Variants in GPR155 observed in about 807,000 individuals in gnomAD.
The protein encoded by GPR155 is lysosomal cholesterol signaling protein.
In GPR155, 65 loss-of-function variants were observed where a neutral mutation model predicts 93.1. That is an observed-to-expected ratio of 0.70 (90% CI 0.57 to 0.86). The LOEUF (loss-of-function observed/expected upper bound fraction) is 0.86, where lower values mean the gene tolerates loss of function less well. GPR155 is among the 40% of genes least tolerant of loss of function. The pLI is 0.00. For missense variants in GPR155, 838 were observed against 1,034.8 expected, an observed-to-expected ratio of 0.81 and a Z score of 2.61; for synonymous variants, 319 against 360.1, an observed-to-expected ratio of 0.89 and a Z score of 1.29.
At chr2:174,482,387 C>T (rs545934736) in intron 1 of GPR155, among the ~76,000 whole-genome samples, 3 of 152,140 alleles carry the variant, frequency 2.0e-5, no homozygotes, top group African/African-American at 4.8e-5. Context: ...ACATAGTCTC[C>T]GCTGAATGTC....
chr2:174,447,773 C>A (rs920065103), intron 11 of GPR155, among the ~76,000 whole-genome samples: 15 of 147,210 alleles, frequency 1.0e-4, no homozygotes, highest in Admixed American at 9.6e-4. Context: ...AAGATGGCAA[C>A]AATAGGAACT....
chr2:174,445,358 A>T, intron 12 of GPR155, 182 bp from the exon 13 acceptor site: 1 of 536,218 alleles, frequency 1.9e-6, no homozygotes, highest in South Asian at 2.3e-5. Flanking sequence ...TCTCCTCCTG[A>T]CAGATGTCAT....
chr2:174,444,698 G>T (rs1217325306), intron 13 of GPR155, among the ~76,000 whole-genome samples: 1 of 151,876 alleles, frequency 6.6e-6, no homozygotes, highest in South Asian at 2.1e-4. Context: ...GTTTCACCAT[G>T]TTGGCTAGGC....
chr2:174,438,617 T>C (rs1333998543), intron 15 of GPR155, among the ~76,000 whole-genome samples: 1 of 152,124 alleles, frequency 6.6e-6, no homozygotes, highest in Non-Finnish European at 1.5e-5. Flanking sequence ...AAGCGATTCT[T>C]GTGCTGCAGC....
rs373215613 is a variant in GPR155, at chr2:174,442,136, G to A, written c.2157C>T (p.Ile719=). 30 of 1,364,844 alleles carry A rather than the reference G, an allele frequency of 2.2e-5. No individual in the cohort carries two copies. The highest frequency in any genetic ancestry group is 2.9e-5 in the Non-Finnish European group (28 of 954,478). The allele number at this position is 1,364,844 out of a possible 1,614,324, so 84.5% of individuals were successfully genotyped here. The change falls in exon 14 of 16, where the codon ATC becomes ATT. Residue 719 remains isoleucine, a synonymous_variant. Transcript: ENST00000392552. ...GIFGLDKHLI[I]LPFKRRLEFL... is the part of the protein sequence containing the mutation. ...TAATTTACCTTCTTTTGAAAGGCAGGATGATTAAATGTTTATCTAATCCAA... is the reference window on the plus strand; with the variant it reads ...TAATTTACCTTCTTTTGAAAGGCAGAATGATTAAATGTTTATCTAATCCAA...
chr2:174,469,064 T>A lies in GPR155; in HGVS notation c.1030A>T (p.Thr344Ser). ...AATGTGCTTATCACCATCCCTGAGG[T>A]TATCTGCAAAAATGAAATCAAACAG... is the stretch of plus-strand genomic sequence containing the variant. ...TQFNMEVEIITSGMVISTFVS... is the reference protein window; with the variant it reads ...TQFNMEVEIISSGMVISTFVS... Residue 344 changes from threonine (T) to serine (S), a missense_variant, in exon 5 of 16, where the codon ACC becomes TCC. Thr to Ser is a moderately conservative substitution (Grantham distance 58). Coordinates refer to ENST00000392552, the MANE Select transcript of GPR155 (RefSeq NM_152529.7). 6.2e-7 allele frequency: 1 copy of A among 1,612,166 alleles called. No individual in the cohort carries two copies. The highest frequency in any genetic ancestry group is 8.5e-7 in the Non-Finnish European group (1 of 1,178,910).
chr2:174,474,539 A>G (rs921596648), intron 2 of GPR155, among the ~76,000 whole-genome samples: 2 of 150,086 alleles, frequency 1.3e-5, no homozygotes, highest in African/African-American at 4.9e-5. Flanking sequence ...CATGTTTCCA[A>G]GTGCAAACAA....
intron 5 of GPR155, among the ~76,000 whole-genome samples, chr2:174,467,805 G>T (rs139107231): frequency 1.8e-4 from 28 of 151,590 alleles, no homozygotes; most frequent in African/African-American, 6.1e-4. Flanking sequence ...GTGCGATCTC[G>T]GCTCACTGAA....
chr2:174,467,029 C>A (rs914329861), intron 5 of GPR155, among the ~76,000 whole-genome samples: 1 of 151,760 alleles, frequency 6.6e-6, no homozygotes, highest in African/African-American at 2.4e-5. Flanking sequence ...CAGTGGCGGG[C>A]GCCTGTAATC....
chr2:174,453,763 TC>T lies in GPR155; in HGVS notation c.1849del (p.Glu617SerfsTer3), dbSNP rs765196666. 3.1e-6 allele frequency: 5 copies of T among 1,608,134 alleles called. No homozygotes were observed. The highest frequency in any genetic ancestry group is 4.3e-6 in the Non-Finnish European group (5 of 1,175,448). ...TTTCTCAAACGAAGGAATCACAGGC[TC>T]ACTGGTGCTTGTGTTTGCTATTGGC... ...IEPIANTSTS[E>X]PVIPSFEKNN... is the part of the protein sequence containing the mutation. On this transcript the variant is annotated frameshift_variant, in exon 11 of 16. Coordinates refer to ENST00000392552, the MANE Select transcript of GPR155 (RefSeq NM_152529.7). LOFTEE classifies it high-confidence loss of function.
At position 174,432,141 on chromosome 2, in the gene GPR155, C is replaced by G. The variant is rs1686659339; in HGVS notation, c.*3975G>C. The G allele has an allele frequency of 6.6e-6, 1 of 152,490 alleles. No homozygotes were observed. The highest frequency in any genetic ancestry group is 2.1e-4 in the South Asian group (1 of 4,828). 9.4% of individuals were successfully genotyped at this position (152,490 alleles called of 1,614,324 possible). On this transcript the variant is annotated 3_prime_UTR_variant, in exon 16 of 16. Coordinates refer to ENST00000392552, the MANE Select transcript of GPR155 (RefSeq NM_152529.7). ...GCCCAGAGTCATGAAGAACAGAACT[C>G]AGGAAACCCATTTAAGAAAACATTG... is the stretch of plus-strand genomic sequence containing the variant.
intron 12 of GPR155, among the ~76,000 whole-genome samples, chr2:174,446,083 G>A (rs1353252202): frequency 6.6e-6 from 1 of 151,824 alleles, no homozygotes; most frequent in African/African-American, 2.4e-5. Context: ...AAGGAGGGTG[G>A]ATCACCTGAG....
intron 13 of GPR155, 25 bp downstream of exon 13, chr2:174,445,056 C>G (rs778265598): frequency 2.4e-6 from 3 of 1,235,918 alleles, no homozygotes; most frequent in Non-Finnish European, 3.6e-6. Context: ...ACAAAAACCC[C>G]TCAAAGTTCT....
chr2:174,442,187 G>A lies in GPR155; in HGVS notation c.2110-4C>T. ...AGATTCCAAAGGAAATAAATCCCTA[G>A]GGAAGAAAACAAAGTTATTTTTTTC... On this transcript the variant is annotated splice_region_variant and splice_polypyrimidine_tract_variant and intron_variant, in intron 13 of 15. Coordinates refer to ENST00000392552, the MANE Select transcript of GPR155 (RefSeq NM_152529.7). 7.6e-7 allele frequency: 1 copy of A among 1,315,300 alleles called. No individual in the cohort carries two copies. 81.5% of individuals were successfully genotyped at this position (1,315,300 alleles called of 1,614,324 possible).
intron 2 of GPR155, among the ~76,000 whole-genome samples, chr2:174,480,168 A>G (rs73022178): frequency 0.012 from 1,825 of 152,326 alleles, 43 homozygotes; most frequent in African/African-American, 0.041. Context: ...GTCTCTGCTC[A>G]GAAGACATAT....
chr2:174,446,179 C>T (rs927658810), intron 12 of GPR155, among the ~76,000 whole-genome samples: 2 of 151,686 alleles, frequency 1.3e-5, no homozygotes, highest in African/African-American at 4.8e-5. Context: ...TGGTGGCATG[C>T]GCCTGTAATC....
chr2:174,448,172 T>G (rs938711637), intron 11 of GPR155, among the ~76,000 whole-genome samples: 6 of 151,930 alleles, frequency 3.9e-5, no homozygotes, highest in African/African-American at 1.5e-4. Flanking sequence ...GGTCAGGAGT[T>G]CAAGACCAGC....
At chr2:174,485,363 G>A (rs1248695366) in intron 1 of GPR155, among the ~76,000 whole-genome samples, 2 of 152,104 alleles carry the variant, frequency 1.3e-5, no homozygotes, top group Non-Finnish European at 2.9e-5. Flanking sequence ...CTGGGAGGTC[G>A]AGGCGGGCGG....
chr2:174,437,864 G>A (rs1228571001), intron 15 of GPR155, among the ~76,000 whole-genome samples: 11 of 151,730 alleles, frequency 7.2e-5, no homozygotes, highest in South Asian at 2.1e-4. Flanking sequence ...GATTACAGGC[G>A]TGAGCCACCG....
Sources: gnomAD v4.1 joint callset for allele counts (sites outside exome capture counted in the v4.1 genomes callset) on GRCh38, gnomAD v4.1.1 for gene constraint, MANE v1.5 for transcripts, NCBI Gene and HGNC (gene_info 2026-07-23, HGNC 2026-07-21) for gene names.